The following KCNMB2 variants were observed in gnomAD, a reference collection of about 807,000 sequenced individuals.
The protein encoded by KCNMB2 is calcium-activated potassium channel subunit beta-2.
KCNMB2 carries 9 observed loss-of-function variants against 24.5 expected under a neutral mutation model. That is an observed-to-expected ratio of 0.37 (90% confidence interval 0.22 to 0.64). The LOEUF is 0.64. Among genes scored for constraint, KCNMB2 ranks in the 30% least tolerant of loss-of-function variants. The probability of loss-of-function intolerance (pLI) is 0.63; values close to 1 mark genes in which losing one functional copy is unlikely to be tolerated. For missense variants in KCNMB2, 226 were observed against 284.3 expected, an observed-to-expected ratio of 0.79 and a Z score of 1.47; for synonymous variants, 109 against 104.4, an observed-to-expected ratio of 1.04 and a Z score of -0.27.
At chr3:178,546,734 C>T (rs1715786719) in intron 1 of KCNMB2, among the ~76,000 whole-genome samples, 1 of 152,192 alleles carries the variant, frequency 6.6e-6, no homozygotes, top group Non-Finnish European at 1.5e-5. Context: ...TGAGTTTGCT[C>T]ATCATTCTAA....
At chr3:178,629,315 C>A (rs1719229250) in intron 1 of KCNMB2, among the ~76,000 whole-genome samples, 2 of 152,090 alleles carry the variant, frequency 1.3e-5, no homozygotes, top group Admixed American at 1.3e-4. Flanking sequence ...CTAGAGCAAG[C>A]AAGGATAAAC....
intron 4 of KCNMB2, among the ~76,000 whole-genome samples, chr3:178,828,950 T>A (rs938268566): frequency 5.9e-4 from 87 of 147,828 alleles, no homozygotes; most frequent in African/African-American, 2.0e-3. Context: ...TGTGTGTGTG[T>A]GTGTGTGTGT....
chr3:178,826,172 C>T (rs1437314769), intron 3 of KCNMB2, among the ~76,000 whole-genome samples: 1 of 152,136 alleles, frequency 6.6e-6, no homozygotes, highest in African/African-American at 2.4e-5. Flanking sequence ...CGTTCCCCAC[C>T]CTCCTCCCTT....
intron 4 of KCNMB2, among the ~76,000 whole-genome samples, chr3:178,840,437 C>T (rs1171413547): frequency 6.6e-6 from 1 of 152,214 alleles, no homozygotes; most frequent in East Asian, 1.9e-4. Flanking sequence ...GGCAGTGCCC[C>T]AGTGGGGATT....
At chr3:178,597,569 A>G (rs1717921595) in intron 1 of KCNMB2, among the ~76,000 whole-genome samples, 1 of 152,180 alleles carries the variant, frequency 6.6e-6, no homozygotes, top group African/African-American at 2.4e-5. Flanking sequence ...TGGCATGCAA[A>G]GCATGAATGG....
intron 1 of KCNMB2, among the ~76,000 whole-genome samples, chr3:178,660,272 A>G (rs1189274579): frequency 6.6e-6 from 1 of 152,226 alleles, no homozygotes; most frequent in Non-Finnish European, 1.5e-5. Context: ...TACCAATTAC[A>G]GCACCAGACA....
chr3:178,614,330 T>G (rs1718626648), intron 1 of KCNMB2, among the ~76,000 whole-genome samples: 1 of 124,670 alleles, frequency 8.0e-6, no homozygotes, highest in Non-Finnish European at 1.7e-5. Flanking sequence ...TATATATATG[T>G]ATGTATATAT....
chr3:178,717,888 T>C (rs536676364), intron 1 of KCNMB2, among the ~76,000 whole-genome samples: 15 of 137,752 alleles, frequency 1.1e-4, no homozygotes, highest in Non-Finnish European at 2.2e-4. Flanking sequence ...GTACTTTCTT[T>C]ACAAAAAAAA....
chr3:178,764,075 C>T lies in KCNMB2; in HGVS notation c.-67-43268C>T, dbSNP rs748051914. 7.9e-5 allele frequency among the ~76,000 whole-genome samples: 12 copies of T among 152,086 alleles called. 1 individual carries two copies. Among genetic ancestry groups the T allele is most frequent in the African/African-American group, 1.9e-4 (8 of 41,412 alleles). On this transcript the variant is annotated intron_variant, in intron 1 of 4. Transcript: ENST00000452583. Reference sequence around the variant, plus strand: ...TAAATGAAGGACCTAGAATTAAACCCCCATTATTTGATTCGTAGTCTACTG... The same window carrying T: ...TAAATGAAGGACCTAGAATTAAACCTCCATTATTTGATTCGTAGTCTACTG...
At chr3:178,641,050 AT>A (rs1399901010) in intron 1 of KCNMB2, among the ~76,000 whole-genome samples, 2 of 152,108 alleles carry the variant, frequency 1.3e-5, no homozygotes, top group Admixed American at 6.6e-5. Flanking sequence ...AGTTTTAATG[AT>A]TTATGTGTCT....
intron 1 of KCNMB2, among the ~76,000 whole-genome samples, chr3:178,562,851 G>A (rs1405187658): frequency 6.6e-6 from 1 of 152,184 alleles, no homozygotes; most frequent in Non-Finnish European, 1.5e-5. Context: ...GAGTGAAAGC[G>A]GGACAAAGAC....
intron 1 of KCNMB2, among the ~76,000 whole-genome samples, chr3:178,754,177 T>TATACACAC (rs1435109631): frequency 6.8e-4 from 80 of 117,220 alleles, no homozygotes; most frequent in Admixed American, 1.2e-3. Flanking sequence ...TATATATATA[T>TATACACAC]ACACACACAC....
chr3:178,641,646 A>G (rs1719732093), intron 1 of KCNMB2, among the ~76,000 whole-genome samples: 1 of 152,006 alleles, frequency 6.6e-6, no homozygotes, highest in Admixed American at 6.6e-5. Context: ...CCCACTTTGT[A>G]TGCATTTTAT....
At chr3:178,652,230 A>T (rs925637621) in intron 1 of KCNMB2, among the ~76,000 whole-genome samples, 47 of 152,176 alleles carry the variant, frequency 3.1e-4, no homozygotes, top group Non-Finnish European at 6.0e-4. Flanking sequence ...TTACATGAAA[A>T]AAACAAACAA....
chr3:178,557,166 C>T (rs1716152637), intron 1 of KCNMB2, among the ~76,000 whole-genome samples: 1 of 152,118 alleles, frequency 6.6e-6, no homozygotes, highest in African/African-American at 2.4e-5. Context: ...ATACTAACAC[C>T]TGGTCCTGAT....
intron 1 of KCNMB2, chr3:178,748,328 C>G (rs1171865253): frequency 6.6e-6 from 1 of 152,162 alleles, no homozygotes; most frequent in Admixed American, 6.6e-5. Context: ...TCTCTTTCCC[C>G]TTATTGATTC....
At chr3:178,638,074 A>G (rs1403573570) in intron 1 of KCNMB2, among the ~76,000 whole-genome samples, 1 of 152,058 alleles carries the variant, frequency 6.6e-6, no homozygotes, top group Non-Finnish European at 1.5e-5. Flanking sequence ...CCTCTTCACC[A>G]TCAGCACCTC....
At chr3:178,673,673 A>C (rs1720980002) in intron 1 of KCNMB2, among the ~76,000 whole-genome samples, 1 of 152,150 alleles carries the variant, frequency 6.6e-6, no homozygotes, top group Non-Finnish European at 1.5e-5. Flanking sequence ...TTCTCTATGG[A>C]AACTTTACCA....
At chr3:178,576,308 G>A (rs146200315) in intron 1 of KCNMB2, among the ~76,000 whole-genome samples, 1 of 152,170 alleles carries the variant, frequency 6.6e-6, no homozygotes, top group East Asian at 1.9e-4. Flanking sequence ...TAGGCACTCG[G>A]CCCAGATACT....
Sources: allele counts gnomAD v4.1 joint callset (sites outside exome capture counted in the v4.1 genomes callset), GRCh38; gene constraint gnomAD v4.1.1; transcripts MANE v1.5; gene names NCBI Gene and HGNC (gene_info 2026-07-23, HGNC 2026-07-21).